Variants in C3 observed in about 807,000 individuals in gnomAD.
C3 encodes the protein complement C3.
C3 carries 97 observed loss-of-function variants against 207.9 expected under a neutral mutation model. That is an observed-to-expected ratio of 0.47 (90% CI 0.40 to 0.55). C3 has a LOEUF of 0.55. Among genes scored for constraint, C3 ranks in the 20% least tolerant of loss-of-function variants. C3 has a pLI of 0.00. For synonymous variants in C3, 848 were observed against 857.6 expected, an observed-to-expected ratio of 0.99 and a Z score of 0.20; for missense variants, 1,684 against 2,171.7, an observed-to-expected ratio of 0.78 and a Z score of 4.46.
Position 6,706,928 on chromosome 19 carries a change from GCCCCCTCAGACAGGGGCCTCCTC to G in C3, c.2245+125_2245+147del, listed in dbSNP as rs1259115633. On this transcript the variant is annotated intron_variant, in intron 17 of 40. Transcript: ENST00000245907. ...CTCCCCCCTGAGACAGGGACCTCCT[GCCCCCTCAGACAGGGGCCTCCTC>G]CCCCCTCAGACAGCGGCCTCCTCCA... 6.0e-5 allele frequency: 32 copies of G among 535,504 alleles called. 1 individual carries two copies. Among genetic ancestry groups the G allele is most frequent in the South Asian group, 3.2e-4 (13 of 40,126 alleles). 33.2% of individuals were successfully genotyped at this position (535,504 alleles called of 1,614,324 possible).
At position 6,682,040 on chromosome 19, in the gene C3, G is replaced by A; in HGVS notation, c.4261-10C>T. 6.2e-7 allele frequency: 1 copy of A among 1,613,404 alleles called. No individual in the cohort carries two copies. Among genetic ancestry groups the A allele is most frequent in the Non-Finnish European group, 8.5e-7 (1 of 1,179,314 alleles). Reference sequence around the variant, plus strand: ...CAACACCATTGGCCAGCTGGGGAAAGGTGGAGCCTGTGAAAAATCCCTCCT... The same window carrying A: ...CAACACCATTGGCCAGCTGGGGAAAAGTGGAGCCTGTGAAAAATCCCTCCT... On this transcript the variant is annotated splice_polypyrimidine_tract_variant and intron_variant, in intron 34 of 40. Transcript: ENST00000245907.
intron 14 of C3, 69 bp downstream of exon 14, chr19:6,709,615 A>ACCCCC: frequency 2.5e-5 from 10 of 403,508 alleles, no homozygotes; most frequent in Middle Eastern, 3.3e-4. Context: ...CTCCAGTCCC[A>ACCCCC]CCCACCTCCC....
rs369325859 is a variant in C3, at chr19:6,684,456, G to A, written c.4121-17C>T. ...GCCTCTTTTCTAGAAACACAGAAGA[G>A]AGAAAGATGGGAGAGGGTATACCTG... On this transcript the variant is annotated splice_polypyrimidine_tract_variant and intron_variant, in intron 32 of 40. Transcript: ENST00000245907. The A allele has an allele frequency of 1.3e-5, 21 of 1,609,586 alleles. No individual in the cohort carries two copies. The highest frequency in any genetic ancestry group is 1.8e-5 in the Non-Finnish European group (21 of 1,175,984).
intron 27 of C3, among the ~76,000 whole-genome samples, chr19:6,688,190 G>C (rs344537): frequency 0.055 from 8,287 of 152,008 alleles, 708 homozygotes; most frequent in African/African-American, 0.19. Context: ...GGAGTGCATG[G>C]CGCAATCTCG....
intron 27 of C3, among the ~76,000 whole-genome samples, chr19:6,688,085 C>A (rs1918057354): frequency 6.7e-6 from 1 of 150,098 alleles, no homozygotes; most frequent in African/African-American, 2.5e-5. Flanking sequence ...ACCTCGTGAT[C>A]CGCCCACCTC....
chr19:6,710,321 CAGGGAGAGAGAAAAGGAGAGAGAG>C (rs1354554966), intron 13 of C3, among the ~76,000 whole-genome samples: 27 of 86,942 alleles, frequency 3.1e-4, no homozygotes, highest in Non-Finnish European at 4.9e-4. Flanking sequence ...GGGAAAGAGA[CAGGGAGAGAGAAAAGGAGAGAGAG>C]AGGGAGAGAG....
chr19:6,710,886 G>T (rs1967909025), intron 12 of C3, 41 bp from the exon 13 acceptor site: 1 of 1,602,896 alleles, frequency 6.2e-7, no homozygotes, highest in Non-Finnish European at 8.5e-7. Flanking sequence ...AGGGTGAGTG[G>T]CAGGGAACGC....
chr19:6,710,833 C>T lies in C3; in HGVS notation c.1492G>A (p.Gly498Ser). ...RYYTYLIMNKGRLLKAGRQVR... is the reference protein window; with the variant it reads ...RYYTYLIMNKSRLLKAGRQVR... ...TGGCGTCCCGCCTTCAACAGCCTGC[C>T]CTTGTTCATGATCTGGGGGGACAGG... Residue 498 changes from glycine to serine, a missense_variant, in exon 13 of 41, where the codon GGC (glycine) becomes AGC (serine). Gly to Ser is a moderately conservative substitution (Grantham distance 56). Around this residue, in one of 3 missense-constraint regions of C3, gnomAD observed 1,280 missense variants for 1,739.1 expected, o/e 0.74. Transcript: ENST00000245907. 6.2e-7 allele frequency: 1 copy of T among 1,613,816 alleles called. No homozygotes were observed. The highest frequency in any genetic ancestry group is 8.5e-7 in the Non-Finnish European group (1 of 1,179,856).
At chr19:6,709,629 G>T in intron 14 of C3, 55 bp downstream of exon 14, 1 of 465,846 alleles carries the variant, frequency 2.1e-6, no homozygotes, top group Non-Finnish European at 3.6e-6. Context: ...ACCTCCCCCA[G>T]CCCCAGCTCC....
intron 14 of C3, 120 bp from the exon 15 acceptor site, chr19:6,708,049 C>T: frequency 8.9e-7 from 1 of 1,122,752 alleles, no homozygotes; most frequent in Non-Finnish European, 1.3e-6. Context: ...CTCATCTCCC[C>T]CATTCCTGCT....
At chr19:6,702,895 G>A (rs1471268284) in intron 17 of C3, 10 of 350,784 alleles carry the variant, frequency 2.9e-5, no homozygotes, top group Non-Finnish European at 5.0e-5. Context: ...TTAGCTGGGT[G>A]TGGTGGCGCG....
intron 29 of C3, among the ~76,000 whole-genome samples, chr19:6,685,600 C>T (rs74334856): frequency 9.1e-4 from 139 of 152,234 alleles, no homozygotes; most frequent in Middle Eastern, 3.4e-3. Context: ...GAGTGACAGA[C>T]CACCAGAAAG....
chr19:6,709,909 G>C, intron 13 of C3, 67 bp from the exon 14 acceptor site: 2 of 1,533,296 alleles, frequency 1.3e-6, no homozygotes, highest in Admixed American at 3.4e-5. Flanking sequence ...GGATGGAGTG[G>C]GTGCTGGGCT....
intron 24 of C3, 75 bp from the exon 25 acceptor site, chr19:6,693,562 G>A: frequency 1.5e-6 from 2 of 1,356,934 alleles, no homozygotes; most frequent in Admixed American, 1.9e-5. Flanking sequence ...GGCAGGGGCG[G>A]GGTGCAGAGA....
Position 6,684,757 on chromosome 19 carries a change from T to A in C3, c.4029+18A>T. 6.2e-7 allele frequency: 1 copy of A among 1,613,868 alleles called. No homozygotes were observed. The highest frequency in any genetic ancestry group is 8.5e-7 in the Non-Finnish European group (1 of 1,179,748). ...CAGAGGGGCATGGGCCAGGCAGGTG[T>A]GGGTTTCTGTTCCTTACCGACAAGG... On this transcript the variant is annotated intron_variant, in intron 31 of 40. Transcript: ENST00000245907.
rs1967704862 is a variant in C3, at chr19:6,702,913, G to T, written c.2246-334C>A. On this transcript the variant is annotated intron_variant, in intron 17 of 40. Coordinates refer to ENST00000245907, the MANE Select transcript of C3 (RefSeq NM_000064.4). ...GCTGGGTGTGGTGGCGCGTGCCTGT[G>T]ATCCCAGCTACTGTGGAGGCTGAGG... The T allele has an allele frequency of 8.7e-6, 3 of 344,608 alleles. No homozygotes were observed. In the Admixed American group the frequency reaches 1.2e-4, roughly 14 times the overall value. 21.3% of individuals were successfully genotyped at this position (344,608 alleles called of 1,614,324 possible).
chr19:6,716,526 G>C (rs1219835267), intron 4 of C3: 2 of 152,240 alleles, frequency 1.3e-5, no homozygotes, highest in Non-Finnish European at 2.9e-5. Context: ...GTGAGCCACT[G>C]CACCTAGCCT....
At chr19:6,706,194 A>G (rs1323666947) in intron 17 of C3, among the ~76,000 whole-genome samples, 1 of 152,176 alleles carries the variant, frequency 6.6e-6, no homozygotes, top group African/African-American at 2.4e-5. Flanking sequence ...CCCATTGGTA[A>G]TTAGTGTGTG....
chr19:6,708,671 TC>T (rs1408269465), intron 14 of C3, among the ~76,000 whole-genome samples: 1 of 147,160 alleles, frequency 6.8e-6, no homozygotes, highest in Non-Finnish European at 1.5e-5. Flanking sequence ...TCTTTTTTTT[TC>T]CTCCTTTCTT....
Sources: allele counts gnomAD v4.1 joint callset (sites outside exome capture counted in the v4.1 genomes callset), GRCh38; gene constraint gnomAD v4.1.1; regional missense constraint gnomAD v4.1.1; transcripts MANE v1.5; gene names NCBI Gene and HGNC (gene_info 2026-07-23, HGNC 2026-07-21).